Variants in FAAH2 observed in about 807,000 individuals in gnomAD.
FAAH2 encodes fatty acid amide hydrolase 2.
A neutral mutation model predicts 36.9 loss-of-function variants in FAAH2; 60 were observed. That is an observed-to-expected ratio of 1.63 (90% CI 1.32 to 2.02). The LOEUF is 2.02. Ranked by LOEUF, FAAH2 falls within the 30% of genes most tolerant of loss-of-function variation. FAAH2 has a pLI of 0.00. For missense variants in FAAH2, 689 were observed against 397.5 expected (o/e 1.73, Z -6.23); for synonymous variants, 214 against 143.8 (o/e 1.49, Z -3.49).
intron 10 of FAAH2, among the ~76,000 whole-genome samples, chrX:57,486,237 A>C (rs1191371020): frequency 1.8e-5 from 2 of 111,654 alleles, no homozygotes; most frequent in Non-Finnish European, 3.8e-5. Context: ...GACAAGACAC[A>C]TTAGGTACTT....
intron 7 of FAAH2, among the ~76,000 whole-genome samples, chrX:57,401,538 C>T (rs1172080788): frequency 9.0e-6 from 1 of 111,400 alleles, no homozygotes; most frequent in Non-Finnish European, 1.9e-5. Flanking sequence ...TTGCACTAAC[C>T]TTCTCTGTCC....
chrX:57,352,094 A>G (rs1188175650), intron 5 of FAAH2, among the ~76,000 whole-genome samples: 1 of 11,751 alleles, frequency 8.5e-5, no homozygotes, highest in African/African-American at 5.1e-4. Flanking sequence ...ATATATATGC[A>G]CATATATATA....
the FAAH2 span, among the ~76,000 whole-genome samples, chrX:57,199,607 C>T: frequency 9.0e-6 from 1 of 111,723 alleles, no homozygotes; most frequent in Non-Finnish European, 1.9e-5. Context: ...TTGGTCTATA[C>T]TGTGGGTTAA....
rs752098483 is a variant in FAAH2 at position 57,292,555 on chromosome X, A to G, written c.250A>G (p.Met84Val). The part of the protein sequence containing the change: ...YINRIKDVNP[M>V]INGIVKYRFE... ...CAACAGAATCAAGGACGTGAACCCA[A>G]TGATCAATGGAATTGTCAAGTACAG... The change falls in exon 2 of 11, where the codon ATG (methionine) becomes GTG (valine). Residue 84 changes from methionine (M) to valine (V), a missense_variant. Transcript: ENST00000374900. 3.3e-6 allele frequency: 4 copies of G among 1,209,804 alleles called. No individual in the cohort carries two copies. The South Asian group carries it at 7.1e-5, about 21-fold the overall frequency.
chrX:57,229,278 G>C, the FAAH2 span: 3 of 111,516 alleles, frequency 2.7e-5, no homozygotes, highest in African/African-American at 9.8e-5. Context: ...TGAAAAAGAG[G>C]ATGAAGAAAA....
At chrX:57,287,143 T>C (rs915532044) in intron 1 of FAAH2, 126 bp downstream of exon 1, 1 of 696,201 alleles carries the variant, frequency 1.4e-6, no homozygotes, top group Non-Finnish European at 2.0e-6. Context: ...GAGGCATTTA[T>C]TGGGGATGAA....
chrX:57,444,473 G>GT (rs1339737781), intron 8 of FAAH2, among the ~76,000 whole-genome samples: 2 of 111,779 alleles, frequency 1.8e-5, no homozygotes, highest in African/African-American at 3.3e-5. Context: ...CAGTATTAGG[G>GT]TGGGTGTTTC....
chrX:57,335,228 AAAAG>A (rs781648963), intron 4 of FAAH2, among the ~76,000 whole-genome samples: 1 of 111,856 alleles, frequency 8.9e-6, no homozygotes, highest in Non-Finnish European at 1.9e-5. Context: ...AGAGACTTGG[AAAAG>A]AAAGAAAGAG....
At chrX:57,123,464 T>C in the FAAH2 span, among the ~76,000 whole-genome samples, 2 of 112,384 alleles carry the variant, frequency 1.8e-5, no homozygotes, top group East Asian at 2.8e-4. Context: ...AATAAACGTA[T>C]GTGTGCATGT....
intron 3 of FAAH2, among the ~76,000 whole-genome samples, chrX:57,312,990 C>A (rs1386511648): frequency 9.0e-6 from 1 of 110,812 alleles, no homozygotes; most frequent in Non-Finnish European, 1.9e-5. Flanking sequence ...GCAAAGCATC[C>A]AGTAAAATGA....
At chrX:57,481,371 C>T (rs1248441927) in intron 10 of FAAH2, among the ~76,000 whole-genome samples, 2 of 111,531 alleles carry the variant, frequency 1.8e-5, no homozygotes, top group Non-Finnish European at 3.8e-5. Context: ...TCCTCATCTT[C>T]ATGTATTTAT....
intron 10 of FAAH2, among the ~76,000 whole-genome samples, chrX:57,450,339 C>A (rs1269103909): frequency 9.1e-6 from 1 of 109,711 alleles, no homozygotes; most frequent in Non-Finnish European, 1.9e-5. Flanking sequence ...TCCCCCAAAT[C>A]CCTCACAGCA....
At chrX:57,370,164 C>A (rs562815794) in intron 5 of FAAH2, among the ~76,000 whole-genome samples, 1 of 111,251 alleles carries the variant, frequency 9.0e-6, no homozygotes, top group Non-Finnish European at 1.9e-5. Flanking sequence ...ACAAAGGATA[C>A]AAAATATTTA....
At chrX:57,411,480 C>G (rs1326588174) in intron 7 of FAAH2, among the ~76,000 whole-genome samples, 1 of 110,608 alleles carries the variant, frequency 9.0e-6, no homozygotes, top group South Asian at 4.1e-4. Flanking sequence ...AGTCACCCTG[C>G]AGGGCTTATG....
At chrX:57,165,780 G>A in the FAAH2 span, among the ~76,000 whole-genome samples, 1 of 111,153 alleles carries the variant, frequency 9.0e-6, no homozygotes, top group African/African-American at 3.3e-5. Flanking sequence ...TATGGGAGGG[G>A]CACAGAGAAG....
At chrX:57,383,132 C>T (rs1302466561) in intron 7 of FAAH2, among the ~76,000 whole-genome samples, 1 of 112,000 alleles carries the variant, frequency 8.9e-6, no homozygotes, top group East Asian at 2.8e-4. Context: ...AACAACACTT[C>T]AAGCTAAAAG....
chrX:57,403,899 T>A (rs2055501287), intron 7 of FAAH2, among the ~76,000 whole-genome samples: 1 of 112,854 alleles, frequency 8.9e-6, no homozygotes, highest in Non-Finnish European at 1.9e-5. Flanking sequence ...TTAAATTATC[T>A]TTCTCTAACA....
chrX:57,151,876 C>T, the FAAH2 span, among the ~76,000 whole-genome samples: 1 of 111,187 alleles, frequency 9.0e-6, no homozygotes. Context: ...GTTTTTTCCC[C>T]ATCTTTGTGG....
Position 57,383,686 on chromosome X carries a change from C to A in FAAH2, c.996+2657C>A, listed in dbSNP as rs142459160. 5.6e-3 allele frequency among the ~76,000 whole-genome samples: 631 copies of A among 111,790 alleles called. 5 individuals carry two copies. The highest frequency in any genetic ancestry group is 0.02 in the African/African-American group (610 of 30,784). The stretch of plus-strand genomic sequence containing the variant: ...ATGAAATAAAAGAGGATACAAACAA[C>A]TGGAAGAACATTCCATGCTCATGGA... On this transcript the variant is annotated intron_variant, in intron 7 of 10. Coordinates refer to ENST00000374900, the MANE Select transcript of FAAH2 (RefSeq NM_174912.4).
Sources: gnomAD v4.1 joint callset for allele counts (sites outside exome capture counted in the v4.1 genomes callset) on GRCh38, gnomAD v4.1.1 for gene constraint, MANE v1.5 for transcripts, NCBI Gene and HGNC (gene_info 2026-07-23, HGNC 2026-07-21) for gene names.